The following DPP10 variants were observed in gnomAD, a reference collection of about 807,000 sequenced individuals.
DPP10 encodes dipeptidyl peptidase like 10.
A neutral mutation model predicts 120.9 loss-of-function variants in DPP10; 33 were observed. The observed-to-expected ratio is 0.27, with a 90% CI of 0.21 to 0.37. The LOEUF is 0.37. DPP10 is among the 10% of genes least tolerant of loss of function. The pLI is 1.00. For missense variants in DPP10, 816 were observed against 942.8 expected (o/e 0.87, Z 1.76); for synonymous variants, 337 against 326.1 (o/e 1.03, Z -0.36).
intron 1 of DPP10, among the ~76,000 whole-genome samples, chr2:115,188,944 C>T (rs1030290880): frequency 6.6e-6 from 1 of 152,170 alleles, no homozygotes; most frequent in African/African-American, 2.4e-5. Context: ...CACATCTATA[C>T]AAATGCAATA....
chr2:115,834,784 CAGATTAACAGG>C (rs1476795790), intron 21 of DPP10, among the ~76,000 whole-genome samples: 2 of 152,106 alleles, frequency 1.3e-5, no homozygotes, highest in Non-Finnish European at 2.9e-5. Context: ...CAACAAAAGG[CAGATTAACAGG>C]AGAAAAACAA....
chr2:115,313,701 A>T (rs1402752722), intron 2 of DPP10, among the ~76,000 whole-genome samples: 34 of 152,246 alleles, frequency 2.2e-4, no homozygotes, highest in Non-Finnish European at 1.5e-5. Context: ...GTAGTTTGAC[A>T]CATGTGCCTT....
At position 114,980,991 on chromosome 2, in the gene DPP10, A is replaced by T. The variant is rs867935014; in HGVS notation, c.61-328248A>T. 3.0e-4 allele frequency among the ~76,000 whole-genome samples: 44 copies of T among 145,192 alleles called. No homozygotes were observed. The South Asian group carries it at 5.2e-3, about 17-fold the overall frequency. ...CAGTTTTATCGAAATATGTTGTGTC[A>T]TTTTTTTTTTTTTGTCCAAAACAAC... On this transcript the variant is annotated intron_variant, in intron 1 of 25. Coordinates refer to ENST00000410059, the MANE Select transcript of DPP10 (RefSeq NM_020868.6).
At chr2:115,519,837 A>G (rs2077700750) in intron 4 of DPP10, among the ~76,000 whole-genome samples, 1 of 152,126 alleles carries the variant, frequency 6.6e-6, no homozygotes, top group African/African-American at 2.4e-5. Context: ...CTCATGCTCA[A>G]ACCAGGGAAT....
intron 1 of DPP10, among the ~76,000 whole-genome samples, chr2:114,556,197 G>A (rs902415492): frequency 1.4e-5 from 2 of 141,432 alleles, no homozygotes; most frequent in African/African-American, 5.3e-5. Context: ...ACTTGAACTA[G>A]GGCTGTAGCA....
intron 5 of DPP10, among the ~76,000 whole-genome samples, chr2:115,633,123 C>T: frequency 6.6e-6 from 1 of 152,174 alleles, no homozygotes. Context: ...TATAAAGACA[C>T]ATGCACACGT....
intron 1 of DPP10, among the ~76,000 whole-genome samples, chr2:114,657,168 C>T (rs141417806): frequency 8.5e-5 from 13 of 152,132 alleles, no homozygotes; most frequent in Admixed American, 3.3e-4. Flanking sequence ...TTTTAAGATC[C>T]AAAAGATATA....
At chr2:115,309,891 A>G (rs1030792750) in intron 2 of DPP10, among the ~76,000 whole-genome samples, 8 of 152,090 alleles carry the variant, frequency 5.3e-5, no homozygotes, top group African/African-American at 1.9e-4. Flanking sequence ...AAACTTTGCA[A>G]ATTGCCCCTG....
intron 1 of DPP10, among the ~76,000 whole-genome samples, chr2:114,446,463 C>T (rs912311711): frequency 1.3e-5 from 2 of 152,144 alleles, no homozygotes. Context: ...TATGGTAACT[C>T]TGAAATACAG....
At chr2:115,500,345 T>C (rs1231002160) in intron 4 of DPP10, among the ~76,000 whole-genome samples, 1 of 151,926 alleles carries the variant, frequency 6.6e-6, no homozygotes, top group Non-Finnish European at 1.5e-5. Flanking sequence ...AGACTGCCAA[T>C]TAGATGAATG....
intron 13 of DPP10, 21 bp downstream of exon 13, chr2:115,768,425 A>G (rs767998837): frequency 2.5e-6 from 4 of 1,602,616 alleles, no homozygotes; most frequent in African/African-American, 1.3e-5. Flanking sequence ...GCTTTTTTCC[A>G]TGTTTTGATT....
At chr2:115,032,827 A>G (rs1220386283) in intron 1 of DPP10, among the ~76,000 whole-genome samples, 1 of 151,272 alleles carries the variant, frequency 6.6e-6, no homozygotes, top group African/African-American at 2.4e-5. Flanking sequence ...AGAGGTTGCA[A>G]TGAGCTGAGA....
chr2:114,634,897 G>A (rs2105395592), intron 1 of DPP10, among the ~76,000 whole-genome samples: 1 of 151,932 alleles, frequency 6.6e-6, no homozygotes, highest in East Asian at 1.9e-4. Context: ...AATTTTCTAA[G>A]AGTTGATGAA....
chr2:115,388,520 G>A (rs2067109938), intron 3 of DPP10, among the ~76,000 whole-genome samples: 1 of 152,160 alleles, frequency 6.6e-6, no homozygotes, highest in Non-Finnish European at 1.5e-5. Flanking sequence ...ATAGAAGAGG[G>A]ATGGATTTGG....
chr2:114,782,994 T>C (rs573887041), intron 1 of DPP10, among the ~76,000 whole-genome samples: 48 of 152,216 alleles, frequency 3.2e-4, no homozygotes, highest in Non-Finnish European at 5.4e-4. Flanking sequence ...ATTGATAGAA[T>C]ATGCTAATCC....
chr2:115,618,056 A>G (rs2084661630), intron 5 of DPP10, among the ~76,000 whole-genome samples: 1 of 152,174 alleles, frequency 6.6e-6, no homozygotes, highest in Non-Finnish European at 1.5e-5. Context: ...CATAACATTT[A>G]AAACTTGAAT....
intron 1 of DPP10, among the ~76,000 whole-genome samples, chr2:114,464,987 G>C (rs977703905): frequency 1.3e-5 from 2 of 152,158 alleles, no homozygotes; most frequent in African/African-American, 4.8e-5. Context: ...TGACCACTGT[G>C]TCTGTCAGAG....
intron 1 of DPP10, among the ~76,000 whole-genome samples, chr2:114,567,210 A>G (rs1003703999): frequency 8.5e-5 from 13 of 152,204 alleles, no homozygotes; most frequent in Non-Finnish European, 1.5e-4. Flanking sequence ...TTTTTGGCTT[A>G]TCTATCTTGG....
intron 2 of DPP10, among the ~76,000 whole-genome samples, chr2:115,332,163 G>A (rs1335892963): frequency 6.6e-6 from 1 of 152,132 alleles, no homozygotes; most frequent in African/African-American, 2.4e-5. Flanking sequence ...GAGGGTGTGT[G>A]TGTCCAGGAA....
Sources: gnomAD v4.1 joint callset for allele counts (sites outside exome capture counted in the v4.1 genomes callset) on GRCh38, gnomAD v4.1.1 for gene constraint, MANE v1.5 for transcripts, NCBI Gene and HGNC (gene_info 2026-07-23, HGNC 2026-07-21) for gene names.